HEATR4: variants seen among roughly 807,000 people sequenced by gnomAD.
HEATR4 encodes HEAT repeat-containing protein 4.
HEATR4 carries 95 observed loss-of-function variants against 108.8 expected under a neutral mutation model. That is an observed-to-expected ratio of 0.87 (90% CI 0.74 to 1.04). The LOEUF is 1.04. HEATR4 is among the 50% of genes least tolerant of loss of function. HEATR4 has a pLI of 0.00. For missense variants in HEATR4, 1,152 were observed against 1,253.8 expected, an observed-to-expected ratio of 0.92 and a Z score of 1.23; for synonymous variants, 443 against 459.4, an observed-to-expected ratio of 0.96 and a Z score of 0.46.
At chr14:73,575,559 AAC>A in the HEATR4 span, 2 of 1,537,620 alleles carry the variant, frequency 1.3e-6, no homozygotes, top group East Asian at 4.5e-5. Context: ...CTCTCCTGGA[AAC>A]ATCTGCCACA....
intron 2 of HEATR4, among the ~76,000 whole-genome samples, chr14:73,525,720 A>G (rs1356467164): frequency 2.0e-5 from 3 of 152,166 alleles, no homozygotes; most frequent in Admixed American, 2.0e-4. Context: ...TGGGAGGCTA[A>G]ATTGGGCAAA....
In HEATR4 at chr14:73,537,891, C is replaced by G. The variant is rs72738342; in HGVS notation, c.-151-7647G>C. On this transcript the variant is annotated intron_variant, in intron 1 of 17. Transcript: ENST00000553558. Reference sequence around the variant, plus strand: ...TTCCTGCCGCCAGGTGACTCACCTCCGCTAATTGTTCCCCTCTGCCCATCC... The same window carrying G: ...TTCCTGCCGCCAGGTGACTCACCTCGGCTAATTGTTCCCCTCTGCCCATCC... 3 of 1,181,246 alleles carry G rather than the reference C, an allele frequency of 2.5e-6. 1 individual carries two copies. In the Admixed American group the frequency reaches 9.4e-5, roughly 37 times the overall value. 73.2% of individuals were successfully genotyped at this position (1,181,246 alleles called of 1,614,324 possible). A position where few individuals can be genotyped will look rare whatever the true frequency, so the allele number is the denominator to read the frequency against.
the HEATR4 span, among the ~76,000 whole-genome samples, chr14:73,576,684 T>C: frequency 2.4e-4 from 35 of 147,374 alleles, no homozygotes; most frequent in African/African-American, 8.5e-4. Context: ...TAGTCCCAGC[T>C]ACTGGGGAGG....
chr14:73,610,533 C>T, the HEATR4 span, among the ~76,000 whole-genome samples: 2 of 152,052 alleles, frequency 1.3e-5, no homozygotes, highest in African/African-American at 2.4e-5. Context: ...CCAAGTCATC[C>T]GCCCCCCTCG....
At chr14:73,591,093 A>G in the HEATR4 span, among the ~76,000 whole-genome samples, 1 of 152,186 alleles carries the variant, frequency 6.6e-6, no homozygotes, top group African/African-American at 2.4e-5. Context: ...TAAACATTTA[A>G]AAATTAACGT....
At chr14:73,570,936 A>G in the HEATR4 span, among the ~76,000 whole-genome samples, 1 of 149,504 alleles carries the variant, frequency 6.7e-6, no homozygotes, top group African/African-American at 2.5e-5. Flanking sequence ...GGTAGTTTCA[A>G]TTTTTTAATG....
rs1457018689 is a variant in HEATR4 at position 73,551,637 on chromosome 14, G to A, written c.-152+7114C>T. Among the ~76,000 whole-genome samples the A allele has an allele frequency of 1.3e-4, 15 of 111,828 alleles. 4 individuals are homozygous for A. The highest frequency in any genetic ancestry group is 8.2e-4 in the Admixed American group (8 of 9,728). The allele number at this position is 111,828 out of a possible 152,430, so 73.4% of individuals were successfully genotyped here. A position where few individuals can be genotyped will look rare whatever the true frequency, so the allele number is the denominator to read the frequency against. On this transcript the variant is annotated intron_variant, in intron 1 of 17. Coordinates refer to ENST00000553558, the MANE Select transcript of HEATR4 (RefSeq NM_001220484.1). ...AGCCTGACCAACATGGTGAAACACC[G>A]TCTCTACTAAAAATACACAAATTAG...
At chr14:73,534,807 C>CTTT (rs553194860) in intron 1 of HEATR4, among the ~76,000 whole-genome samples, 2 of 93,898 alleles carry the variant, frequency 2.1e-5, no homozygotes, top group African/African-American at 6.9e-5. Context: ...ATCTTTTCTG[C>CTTT]TTTTTTTTTT....
At chr14:73,591,856 C>G in the HEATR4 span, 10 of 1,174,122 alleles carry the variant, frequency 8.5e-6, no homozygotes, top group Non-Finnish European at 1.0e-5. Flanking sequence ...CGGCAGCTTC[C>G]GGCACCAGGG....
At chr14:73,547,929 C>A (rs1405737308) in intron 1 of HEATR4, among the ~76,000 whole-genome samples, 1 of 113,844 alleles carries the variant, frequency 8.8e-6, no homozygotes, top group Non-Finnish European at 1.9e-5. Context: ...ATGGTTGTGG[C>A]GGGTTGTTTT....
At chr14:73,570,716 C>T in the HEATR4 span, among the ~76,000 whole-genome samples, 4 of 151,946 alleles carry the variant, frequency 2.6e-5, no homozygotes, top group South Asian at 2.1e-4. Flanking sequence ...ACCAGCCTGG[C>T]CAACATGGTG....
intron 12 of HEATR4, among the ~76,000 whole-genome samples, chr14:73,500,012 G>A (rs1020527104): frequency 1.3e-5 from 2 of 152,268 alleles, no homozygotes; most frequent in Admixed American, 6.5e-5. Flanking sequence ...GGCGGATCAC[G>A]AAGTCAGGAC....
At chr14:73,589,737 C>A in the HEATR4 span, among the ~76,000 whole-genome samples, 1 of 152,190 alleles carries the variant, frequency 6.6e-6, no homozygotes, top group Non-Finnish European at 1.5e-5. Context: ...TCACTGACTT[C>A]AACAACGAAG....
At chr14:73,530,486 T>C (rs1888642949) in intron 1 of HEATR4, 1 of 128,364 alleles carries the variant, frequency 7.8e-6, no homozygotes, top group African/African-American at 2.6e-5. Context: ...TTGTTTCAAG[T>C]CCCCCTTTCT....
intron 1 of HEATR4, among the ~76,000 whole-genome samples, chr14:73,556,212 T>C (rs1595163138): frequency 9.0e-6 from 1 of 111,434 alleles, no homozygotes; most frequent in Admixed American, 1.0e-4. Context: ...TCACCAGAGG[T>C]CAGCAGTTCA....
chr14:73,484,503 T>C (rs1885371244), intron 17 of HEATR4, among the ~76,000 whole-genome samples: 2 of 151,958 alleles, frequency 1.3e-5, no homozygotes, highest in Admixed American at 1.3e-4. Context: ...CTCAGCCACC[T>C]GAGTAGCTGG....
the HEATR4 span, among the ~76,000 whole-genome samples, chr14:73,612,270 C>T: frequency 2.0e-5 from 3 of 152,170 alleles, no homozygotes; most frequent in Admixed American, 6.5e-5. Flanking sequence ...GAACTCCTAA[C>T]CTCAGGTGTG....
intron 12 of HEATR4, among the ~76,000 whole-genome samples, 173 bp downstream of exon 12, chr14:73,500,377 A>G (rs1241330551): frequency 2.6e-5 from 4 of 151,978 alleles, no homozygotes; most frequent in African/African-American, 9.7e-5. Flanking sequence ...GGAAGCCAAA[A>G]GATTGGATGC....
chr14:73,591,503 A>G, the HEATR4 span, among the ~76,000 whole-genome samples: 28 of 151,954 alleles, frequency 1.8e-4, no homozygotes, highest in African/African-American at 6.5e-4. Flanking sequence ...CCGAAGCGCC[A>G]CTGCACTCCA....
Sources: gnomAD v4.1 joint callset for allele counts (sites outside exome capture counted in the v4.1 genomes callset) on GRCh38, gnomAD v4.1.1 for gene constraint, MANE v1.5 for transcripts, NCBI Gene and HGNC (gene_info 2026-07-23, HGNC 2026-07-21) for gene names.